Variants in PTPRK observed in about 807,000 individuals in gnomAD.
PTPRK encodes the protein protein tyrosine phosphatase receptor type K.
Under a neutral mutation model 178.0 loss-of-function variants are expected in PTPRK, and 75 were observed. The ratio of observed to expected loss-of-function variants is 0.42; its 90% CI spans 0.35 to 0.51. The LOEUF (loss-of-function observed/expected upper bound fraction) is 0.51, where lower values mean the gene tolerates loss of function less well. PTPRK is among the 20% of genes least tolerant of loss of function. PTPRK has a pLI of 0.02. For missense variants in PTPRK, 1,441 were observed against 1,797.8 expected (o/e 0.80, Z 3.59); for synonymous variants, 637 against 620.6 (o/e 1.03, Z -0.39).
chr6:127,995,385 A>G (rs2114673343), intron 18 of PTPRK, 77 bp downstream of exon 18: 1 of 1,493,884 alleles, frequency 6.7e-7, no homozygotes, highest in Non-Finnish European at 9.3e-7. Flanking sequence ...GCTAGCAATC[A>G]CTTTATAGGT....
At chr6:128,333,637 G>C (rs1180560973) in intron 2 of PTPRK, among the ~76,000 whole-genome samples, 1 of 152,136 alleles carries the variant, frequency 6.6e-6, no homozygotes, top group African/African-American at 2.4e-5. Context: ...CCTTGCTCTG[G>C]ATTAGGCTTT....
chr6:128,452,090 G>T (rs866971202), intron 1 of PTPRK, among the ~76,000 whole-genome samples: 3 of 152,052 alleles, frequency 2.0e-5, no homozygotes, highest in African/African-American at 7.2e-5. Flanking sequence ...TTTGAGGACC[G>T]GCCACATGGC....
chr6:128,222,218 G>A (rs1403703098), intron 5 of PTPRK, among the ~76,000 whole-genome samples: 2 of 152,132 alleles, frequency 1.3e-5, no homozygotes, highest in Admixed American at 1.3e-4. Flanking sequence ...TATCCTTAAT[G>A]TTTCCTTCTC....
chr6:128,172,517 CA>C (rs931182500), intron 7 of PTPRK, among the ~76,000 whole-genome samples: 10 of 151,534 alleles, frequency 6.6e-5, no homozygotes, highest in African/African-American at 2.4e-4. Context: ...CGCTCATTAC[CA>C]AAGCACTCAA....
chr6:128,428,287 T>A (rs527692364), intron 1 of PTPRK, among the ~76,000 whole-genome samples: 12 of 152,132 alleles, frequency 7.9e-5, no homozygotes, highest in Non-Finnish European at 1.6e-4. Context: ...AGGACTTCCA[T>A]CGCTAAGCAT....
chr6:128,216,725 TAAAC>T (rs1206821993), intron 6 of PTPRK, among the ~76,000 whole-genome samples: 2 of 151,944 alleles, frequency 1.3e-5, no homozygotes, highest in Non-Finnish European at 2.9e-5. Flanking sequence ...TCAATTAAGA[TAAAC>T]AAAAGAGATC....
chr6:128,126,961 T>C (rs1311700406), intron 7 of PTPRK, among the ~76,000 whole-genome samples: 4 of 122,792 alleles, frequency 3.3e-5, no homozygotes, highest in Non-Finnish European at 4.7e-5. Context: ...GGTACTTTCA[T>C]TTTTTTTTTT....
intron 1 of PTPRK, among the ~76,000 whole-genome samples, chr6:128,419,010 C>T (rs1421981966): frequency 6.6e-6 from 1 of 152,168 alleles, no homozygotes; most frequent in Non-Finnish European, 1.5e-5. Flanking sequence ...TCTGAAAATT[C>T]TTATCAGGAC....
intron 5 of PTPRK, among the ~76,000 whole-genome samples, chr6:128,228,490 C>CAAAAAAAAA (rs1173094515): frequency 1.3e-5 from 1 of 75,006 alleles, no homozygotes; most frequent in African/African-American, 4.2e-5. Context: ...ACTAAAAATA[C>CAAAAAAAAA]AAAAAAAAAA....
At chr6:128,480,685 CA>C (rs1286314491) in intron 1 of PTPRK, among the ~76,000 whole-genome samples, 8 of 152,094 alleles carry the variant, frequency 5.3e-5, no homozygotes, top group African/African-American at 1.7e-4. Flanking sequence ...AGCTAAGGCT[CA>C]AAAAGGTGAA....
chr6:128,377,391 A>G, intron 2 of PTPRK, among the ~76,000 whole-genome samples: 1 of 152,120 alleles, frequency 6.6e-6, no homozygotes, highest in East Asian at 1.9e-4. Flanking sequence ...CCCATTCACT[A>G]ACACGAGAAT....
At chr6:128,374,251 C>CATGTGTCGG (rs1221636406) in intron 2 of PTPRK, among the ~76,000 whole-genome samples, 1 of 152,120 alleles carries the variant, frequency 6.6e-6, no homozygotes, top group African/African-American at 2.4e-5. Flanking sequence ...TGGAGTAATG[C>CATGTGTCGG]ATGTGTCGGT....
chr6:128,104,438 G>A (rs1425209153), intron 7 of PTPRK, among the ~76,000 whole-genome samples: 9 of 152,148 alleles, frequency 5.9e-5, no homozygotes, highest in African/African-American at 1.4e-4. Flanking sequence ...TAGCCAGGAC[G>A]GTCTCGAACT....
intron 2 of PTPRK, among the ~76,000 whole-genome samples, chr6:128,354,231 G>GTTTTTTTTTTTTTTTTTTTTTC (rs1833620907): frequency 2.0e-5 from 1 of 49,356 alleles, no homozygotes; most frequent in Non-Finnish European, 3.2e-5. Context: ...TTTTGTTTAT[G>GTTTTTTTTTTTTTTTTTTTTTC]TTTTTTTTTT....
At chr6:128,374,910 C>T (rs1836809217) in intron 2 of PTPRK, among the ~76,000 whole-genome samples, 1 of 151,950 alleles carries the variant, frequency 6.6e-6, no homozygotes, top group African/African-American at 2.4e-5. Context: ...TCATCTTATT[C>T]TTCCTCAAAT....
At chr6:128,313,509 T>C (rs1006961397) in intron 3 of PTPRK, among the ~76,000 whole-genome samples, 4 of 152,064 alleles carry the variant, frequency 2.6e-5, no homozygotes, top group Non-Finnish European at 4.4e-5. Context: ...GAAGTGGACA[T>C]AAAGTTGGGT....
chr6:128,409,192 A>G (rs1055346096), intron 1 of PTPRK: 1 of 335,716 alleles, frequency 3.0e-6, no homozygotes, highest in African/African-American at 2.2e-5. Context: ...CCAAGAAAAG[A>G]TTGATTACAC....
intron 3 of PTPRK, among the ~76,000 whole-genome samples, chr6:128,257,986 T>C (rs1255055430): frequency 1.3e-5 from 2 of 152,170 alleles, no homozygotes; most frequent in Admixed American, 1.3e-4. Context: ...TTTATTGTCA[T>C]GGCTCATAAT....
intron 1 of PTPRK, among the ~76,000 whole-genome samples, chr6:128,468,141 T>A (rs1466983508): frequency 2.6e-5 from 4 of 152,202 alleles, no homozygotes; most frequent in Non-Finnish European, 5.9e-5. Context: ...CACAAATTAT[T>A]ATCAAATAAA....
Sources: gnomAD v4.1 joint callset for allele counts (sites outside exome capture counted in the v4.1 genomes callset) on GRCh38, gnomAD v4.1.1 for gene constraint, MANE v1.5 for transcripts, NCBI Gene and HGNC (gene_info 2026-07-23, HGNC 2026-07-21) for gene names.